PSME3IP1: variants seen among roughly 807,000 people sequenced by gnomAD.
PSME3IP1 encodes proteasome activator subunit 3 interacting protein 1.
PSME3IP1 carries 13 observed loss-of-function variants against 34.1 expected under a neutral mutation model. That is an observed-to-expected ratio of 0.38 (90% confidence interval 0.25 to 0.61). The LOEUF is 0.61. Among genes scored for constraint, PSME3IP1 ranks in the 20% least tolerant of loss-of-function variants. The pLI is 0.60. For missense variants in PSME3IP1, 237 were observed against 301.4 expected (o/e 0.79, Z 1.58); for synonymous variants, 93 against 114.3 (o/e 0.81, Z 1.19).
intron 1 of PSME3IP1, chr16:57,174,282 A>G (rs1037041248): frequency 2.4e-5 from 7 of 290,406 alleles, no homozygotes; most frequent in African/African-American, 1.4e-4. Context: ...CGACAGGGCA[A>G]GATTCTGTCT....
At chr16:57,172,916 G>A (rs748289311) in intron 2 of PSME3IP1, 42 bp from the exon 3 acceptor site, 12 of 1,184,492 alleles carry the variant, frequency 1.0e-5, no homozygotes, top group Non-Finnish European at 1.5e-5. Flanking sequence ...ACGGGGAGGA[G>A]ATATACACTT....
intron 6 of PSME3IP1, among the ~76,000 whole-genome samples, chr16:57,163,131 C>T (rs1444910569): frequency 1.3e-5 from 2 of 151,954 alleles, no homozygotes; most frequent in African/African-American, 4.8e-5. Context: ...AGCCACTGCA[C>T]TCCAGCCTGG....
At chr16:57,179,516 A>C (rs1444093170) in intron 1 of PSME3IP1, among the ~76,000 whole-genome samples, 2 of 152,206 alleles carry the variant, frequency 1.3e-5, no homozygotes, top group Admixed American at 1.3e-4. Flanking sequence ...AAAATACAAA[A>C]CTTACATTGT....
chr16:57,185,731 C>T (rs2074121542), intron 1 of PSME3IP1, 90 bp downstream of exon 1: 2 of 985,498 alleles, frequency 2.0e-6, no homozygotes, highest in Non-Finnish European at 2.4e-6. Flanking sequence ...AGGCCTGGCC[C>T]TAACCCTAAC....
intron 1 of PSME3IP1, chr16:57,174,267 T>C (rs888608982): frequency 8.3e-6 from 2 of 241,414 alleles, no homozygotes; most frequent in South Asian, 2.9e-4. Context: ...GCACCCCAGC[T>C]TGAGCGACAG....
At chr16:57,172,443 T>C (rs2072696657) in intron 3 of PSME3IP1, 71 bp from the exon 4 acceptor site, 2 of 1,523,128 alleles carry the variant, frequency 1.3e-6, no homozygotes, top group East Asian at 2.3e-5. Flanking sequence ...TTTCCCCTTT[T>C]TAAATAAGCA....
At chr16:57,161,400 C>T (rs565913511) in intron 6 of PSME3IP1, among the ~76,000 whole-genome samples, 11 of 151,984 alleles carry the variant, frequency 7.2e-5, no homozygotes, top group Middle Eastern at 3.4e-3. Context: ...ACCACTGAGT[C>T]GTATCCTTTT....
At chr16:57,173,919 A>T in intron 1 of PSME3IP1, 50 bp from the exon 2 acceptor site, 1 of 1,553,626 alleles carries the variant, frequency 6.4e-7, no homozygotes, top group Non-Finnish European at 8.8e-7. Flanking sequence ...TGAGAACTGC[A>T]ATTAAAATTC....
chr16:57,164,957 G>C (rs1486797327), intron 5 of PSME3IP1, among the ~76,000 whole-genome samples: 1 of 151,770 alleles, frequency 6.6e-6, no homozygotes, highest in African/African-American at 2.4e-5. Context: ...CTTGAACCCG[G>C]GAGGCACAGG....
Position 57,154,209 on chromosome 16 carries a change from T to C in PSME3IP1, c.*81A>G. 4 of 1,214,444 alleles carry C rather than the reference T, an allele frequency of 3.3e-6. No homozygotes were observed. The highest frequency in any genetic ancestry group is 2.7e-5 in the South Asian group (2 of 73,440). The allele number at this position is 1,214,444 out of a possible 1,614,324, so 75.2% of individuals were successfully genotyped here. A position where few individuals can be genotyped will look rare whatever the true frequency, so the allele number is the denominator to read the frequency against. On this transcript the variant is annotated 3_prime_UTR_variant, in exon 7 of 7. Coordinates refer to ENST00000309137, the MANE Select transcript of PSME3IP1 (RefSeq NM_024946.4). This position sits in a 1 kb window ranked among gnomAD's most constrained non-coding sequence, Gnocchi z 4.0. The stretch of plus-strand genomic sequence containing the variant: ...AGGATGCAGGCAAAGGAGTTTTTTT[T>C]TGAGGGACATAATGCCTATAGGCAG...
Position 57,154,527 on chromosome 16 carries a change from A to G in PSME3IP1, c.548-20T>C. The G allele has an allele frequency of 6.4e-7, 1 of 1,574,570 alleles. No individual in the cohort carries two copies. The highest frequency in any genetic ancestry group is 8.6e-7 in the Non-Finnish European group (1 of 1,158,224). ...AGGGCTCTGCAATAAAAGGGGAAAGACTGTCACTTCATCACCCTTTTCCAA... is the reference window on the plus strand; with the variant it reads ...AGGGCTCTGCAATAAAAGGGGAAAGGCTGTCACTTCATCACCCTTTTCCAA... On this transcript the variant is annotated intron_variant, in intron 6 of 6. Transcript: ENST00000309137. The surrounding 1 kb of genome is among the most constrained non-coding windows in gnomAD (Gnocchi z 4.0).
In PSME3IP1 at chr16:57,172,760, G is replaced by A. The variant is rs745759613; in HGVS notation, c.226+16C>T. 3 of 1,590,690 alleles carry A rather than the reference G, an allele frequency of 1.9e-6. No individual in the cohort carries two copies. In the Admixed American group the frequency reaches 5.0e-5, roughly 27 times the overall value. ...CCCCACAGAGCCCCTTGAACTCTCT[G>A]TTTTCTGAAGCTTACTGAATTTGAA... is the stretch of plus-strand genomic sequence containing the variant. On this transcript the variant is annotated intron_variant, in intron 3 of 6. Coordinates refer to ENST00000309137, the MANE Select transcript of PSME3IP1 (RefSeq NM_024946.4).
intron 4 of PSME3IP1, among the ~76,000 whole-genome samples, chr16:57,169,649 G>A (rs1040176096): frequency 2.0e-5 from 3 of 152,222 alleles, no homozygotes; most frequent in East Asian, 3.9e-4. Context: ...CCTTTTAATT[G>A]AAAACCAAAG....
At chr16:57,176,892 C>T (rs556217897) in intron 1 of PSME3IP1, among the ~76,000 whole-genome samples, 8 of 151,998 alleles carry the variant, frequency 5.3e-5, no homozygotes, top group Non-Finnish European at 8.8e-5. Context: ...TCTCGCTCTG[C>T]CGCCCAGGCC....
chr16:57,162,441 G>C (rs1369888690), intron 6 of PSME3IP1, among the ~76,000 whole-genome samples: 16 of 151,944 alleles, frequency 1.1e-4, no homozygotes, highest in Non-Finnish European at 1.6e-4. Context: ...GAGGCAGGTG[G>C]ATCACTTGAG....
rs2072907142 is a variant in PSME3IP1, at chr16:57,173,867, A to C, written c.-13T>G. 1 of 1,606,784 alleles carries C rather than the reference A, an allele frequency of 6.2e-7. No homozygotes were observed. The highest frequency in any genetic ancestry group is 1.3e-5 in the African/African-American group (1 of 74,270). On this transcript the variant is annotated splice_region_variant and 5_prime_UTR_variant, in exon 2 of 7. In the 5' UTR this introduces an upstream ATG that the reference lacks. Coordinates refer to ENST00000309137, the MANE Select transcript of PSME3IP1 (RefSeq NM_024946.4). ...CCCCTCCATCCATAATGAAACAACC[A>C]ATCTACAAAACAAAAACAAAAACAA...
intron 1 of PSME3IP1, among the ~76,000 whole-genome samples, chr16:57,180,743 A>T (rs988760241): frequency 3.3e-5 from 5 of 152,162 alleles, no homozygotes; most frequent in African/African-American, 1.2e-4. Context: ...AACTCTATTA[A>T]AAACAAACAA....
intron 6 of PSME3IP1, among the ~76,000 whole-genome samples, chr16:57,162,066 C>T (rs1455774300): frequency 6.6e-6 from 1 of 151,996 alleles, no homozygotes; most frequent in East Asian, 2.0e-4. Flanking sequence ...AGCAGCCCGA[C>T]TAATTTTGTA....
intron 6 of PSME3IP1, among the ~76,000 whole-genome samples, chr16:57,157,825 A>G (rs1597573952): frequency 6.6e-6 from 1 of 152,174 alleles, no homozygotes; most frequent in South Asian, 2.1e-4. Flanking sequence ...ACAATTTTTT[A>G]AAAAAGCAAA....
Sources: allele counts gnomAD v4.1 joint callset (sites outside exome capture counted in the v4.1 genomes callset), GRCh38; gene constraint gnomAD v4.1.1; non-coding constraint Gnocchi (gnomAD v3.1); transcripts MANE v1.5; gene names NCBI Gene and HGNC (gene_info 2026-07-23, HGNC 2026-07-21).